The following ZNF687 variants were observed in gnomAD, a reference collection of about 807,000 sequenced individuals.
The protein encoded by ZNF687 is zinc finger protein 687.
In ZNF687, 13 loss-of-function variants were observed where a neutral mutation model predicts 71.8. The ratio of observed to expected loss-of-function variants is 0.18; its 90% CI spans 0.12 to 0.29. The LOEUF (loss-of-function observed/expected upper bound fraction) is 0.29, where lower values mean the gene tolerates loss of function less well. Ranked by LOEUF, ZNF687 falls within the 10% of genes least tolerant of loss-of-function variation. The probability of loss-of-function intolerance (pLI) is 1.00; values close to 1 mark genes in which losing one functional copy is unlikely to be tolerated. For missense variants in ZNF687, 1,412 were observed against 1,625.6 expected (o/e 0.87, Z 2.26); for synonymous variants, 673 against 641.6 (o/e 1.05, Z -0.74).
chr1:151,288,659 C>T lies in ZNF687; in HGVS notation c.2247C>T (p.Thr749=), dbSNP rs773427820. 6.2e-7 allele frequency: 1 copy of T among 1,614,094 alleles called. No individual in the cohort carries two copies. The highest frequency in any genetic ancestry group is 8.5e-7 in the Non-Finnish European group (1 of 1,179,982). ...ACTTCCTGCAAGCCAATTTTCAGAC[C>T]CATCTCCGGGAGGCCTGTCTGCACG... is the stretch of plus-strand genomic sequence containing the variant. ...GGNFLQANFQ[T]HLREACLHVS... Residue 749 remains threonine (T), a synonymous_variant, in exon 3 of 9, where the codon ACC becomes ACT. Transcript: ENST00000336715.
Position 151,286,643 on chromosome 1 carries a change from G to A in ZNF687, c.352G>A (p.Val118Met), listed in dbSNP as rs1357560537. 6.2e-7 allele frequency: 1 copy of A among 1,614,242 alleles called. No homozygotes were observed. Among genetic ancestry groups the A allele is most frequent in the Non-Finnish European group, 8.5e-7 (1 of 1,180,036 alleles). The change falls in exon 2 of 9, where the codon GTG (valine) becomes ATG (methionine). Residue 118 changes from valine to methionine, a missense_variant. By Grantham distance (21) the Val-to-Met change is conservative (BLOSUM62 1). Coordinates refer to ENST00000336715, the MANE Select transcript of ZNF687 (RefSeq NM_020832.3). Reference sequence around the variant, plus strand: ...TGCTGGGGTAACTAAAGAAGGGCCTGTGGGGCCTCATCGAATGCAGAATGG... The same window carrying A: ...TGCTGGGGTAACTAAAGAAGGGCCTATGGGGCCTCATCGAATGCAGAATGG... ...QAAGVTKEGP[V>M]GPHRMQNGFG...
At position 151,289,208 on chromosome 1, in the gene ZNF687, C is replaced by T. The variant is rs1347415558; in HGVS notation, c.2408C>T (p.Ser803Phe). The T allele has an allele frequency of 1.2e-6, 2 of 1,614,064 alleles. No homozygotes were observed. The highest frequency in any genetic ancestry group is 1.7e-6 in the Non-Finnish European group (2 of 1,180,054). ...CCCATCTGCCCCATGGCCTTCAAGTCTGGGCCAAGTGCCCATGCCCACCTC... is the reference window on the plus strand; with the variant it reads ...CCCATCTGCCCCATGGCCTTCAAGTTTGGGCCAAGTGCCCATGCCCACCTC... ...KCPICPMAFKSGPSAHAHLYS... is the reference protein window; with the variant it reads ...KCPICPMAFKFGPSAHAHLYS... Residue 803 changes from serine (S) to phenylalanine (F), a missense_variant, in exon 4 of 9, where the codon TCT becomes TTT. Coordinates refer to ENST00000336715, the MANE Select transcript of ZNF687 (RefSeq NM_020832.3).
chr1:151,286,593 G>A lies in ZNF687; in HGVS notation c.302G>A (p.Gly101Asp). ...CPEQSEALAGGSAGDGAQAAG... is the reference protein window; with the variant it reads ...CPEQSEALAGDSAGDGAQAAG... ...GAGCAGTCTGAGGCCCTGGCTGGAG[G>A]CTCAGCAGGAGACGGGGCCCAGGCT... Residue 101 changes from glycine (G) to aspartate (D), a missense_variant, in exon 2 of 9, where the codon GGC becomes GAC. Physicochemically the swap from Gly to Asp is moderately conservative, Grantham distance 94 (BLOSUM62 -1). Coordinates refer to ENST00000336715, the MANE Select transcript of ZNF687 (RefSeq NM_020832.3). The A allele has an allele frequency of 6.2e-7, 1 of 1,614,190 alleles. No homozygotes were observed. Among genetic ancestry groups the A allele is most frequent in the Non-Finnish European group, 8.5e-7 (1 of 1,180,020 alleles).
upstream of ZNF687, chr1:151,281,937 C>A: frequency 9.6e-7 from 1 of 1,043,270 alleles, no homozygotes; most frequent in Non-Finnish European, 1.3e-6. Flanking sequence ...GAGCGAGGGG[C>A]GGAGACGCAC....
rs587633729 is a variant in ZNF687 at position 151,283,864 on chromosome 1, C to G, written c.-18+1469C>G. On this transcript the variant is annotated intron_variant, in intron 1 of 8. Coordinates refer to ENST00000336715, the MANE Select transcript of ZNF687 (RefSeq NM_020832.3). ...TGCTGGGACTGTCTCTAGTTACAGT[C>G]TGAAGACTGGAGAGAGGTGGGAGAG... 2.6e-5 allele frequency: 26 copies of G among 985,396 alleles called. No homozygotes were observed. In the South Asian group the frequency reaches 3.3e-4, roughly 12 times the overall value. 61.0% of individuals were successfully genotyped at this position (985,396 alleles called of 1,614,324 possible). A position where few individuals can be genotyped will look rare whatever the true frequency, so the allele number is the denominator to read the frequency against.
At chr1:151,281,960 C>T (rs369920113), upstream of ZNF687, 30 of 1,181,542 alleles carry the variant, frequency 2.5e-5, no homozygotes, top group East Asian at 3.7e-4. Context: ...GGGTGCTCCC[C>T]CTTCCAGTAG....
upstream of ZNF687, chr1:151,281,803 A>G (rs1279921523): frequency 5.4e-6 from 2 of 368,182 alleles, no homozygotes; most frequent in Non-Finnish European, 1.1e-5. Flanking sequence ...GCGCAAAAGG[A>G]CCTACACTTC....
chr1:151,284,033 C>T (rs1054797695), intron 1 of ZNF687: 2 of 985,296 alleles, frequency 2.0e-6, no homozygotes, highest in East Asian at 2.3e-4. Context: ...AGCTGGCCTG[C>T]TTGTTGGATT....
At position 151,291,880 on chromosome 1, in the gene ZNF687, T is replaced by TAA. The variant is rs1202957983; in HGVS notation, c.*674_*675dup. ...GGAACTAGGGAGAAAACCAGACCAT[T>TAA]AAAACTGTTTGTGGTCGAATCTCCA... On this transcript the variant is annotated 3_prime_UTR_variant, in exon 9 of 9. Transcript: ENST00000336715. 1 of 152,252 alleles carries TAA rather than the reference T, an allele frequency of 6.6e-6. No individual in the cohort carries two copies. Among genetic ancestry groups the TAA allele is most frequent in the African/African-American group, 2.4e-5 (1 of 41,308 alleles). 9.4% of individuals were successfully genotyped at this position (152,252 alleles called of 1,614,324 possible).
intron 1 of ZNF687, chr1:151,285,188 G>A (rs1356664304): frequency 6.6e-6 from 1 of 152,206 alleles, no homozygotes; most frequent in Non-Finnish European, 1.5e-5. Flanking sequence ...TTATGGCATT[G>A]TCCCTTTGTA....
At chr1:151,290,083 C>A in intron 6 of ZNF687, 39 bp from the exon 7 acceptor site, 1 of 1,612,914 alleles carries the variant, frequency 6.2e-7, no homozygotes, top group Non-Finnish European at 8.5e-7. Context: ...GGGACGGGGT[C>A]CTGGAGCCTG....
chr1:151,281,869 T>C (rs1693725071), upstream of ZNF687: 1 of 441,994 alleles, frequency 2.3e-6, no homozygotes, highest in Admixed American at 3.8e-5. Context: ...ACACAGAAGC[T>C]GGGTTCCTTA....
chr1:151,289,399 G>A lies in ZNF687; in HGVS notation c.2493G>A (p.Met831Ile). Residue 831 changes from methionine to isoleucine, a missense_variant, in exon 5 of 9, where the codon ATG becomes ATA. Physicochemically the swap from Met to Ile is conservative, Grantham distance 10. This residue lies in a region of ZNF687 where 106 missense variants were observed against 146.0 expected (regional missense o/e 0.73). Coordinates refer to ENST00000336715, the MANE Select transcript of ZNF687 (RefSeq NM_020832.3). ...TCAGGCTGATCTACAAGTGCGCCAT[G>A]TGCGACACAGTCTTCACTCACAAAC... Reference protein sequence around the residue: ...QQAKLIYKCAMCDTVFTHKPL... With the variant: ...QQAKLIYKCAICDTVFTHKPL... 6.2e-7 allele frequency: 1 copy of A among 1,614,212 alleles called. No homozygotes were observed. Among genetic ancestry groups the A allele is most frequent in the Non-Finnish European group, 8.5e-7 (1 of 1,180,046 alleles).
Position 151,287,022 on chromosome 1 carries a change from A to G in ZNF687, c.731A>G (p.Lys244Arg), listed in dbSNP as rs1375795214. Residue 244 changes from lysine (K) to arginine (R), a missense_variant, in exon 2 of 9, where the codon AAG (lysine) becomes AGG (arginine). Lys to Arg is a conservative substitution (Grantham distance 26). This residue lies in a region of ZNF687 where 490 missense variants were observed against 489.9 expected (regional missense o/e 1.00). Coordinates refer to ENST00000336715, the MANE Select transcript of ZNF687 (RefSeq NM_020832.3). This position sits in a 1 kb window ranked among gnomAD's most constrained non-coding sequence, Gnocchi z 5.0. ...CAACAAGGCTCAGGCTCCAGCCCTAAGGCCACGGACATCCCTGCCAGTGCC... is the reference window on the plus strand; with the variant it reads ...CAACAAGGCTCAGGCTCCAGCCCTAGGGCCACGGACATCCCTGCCAGTGCC... ...LAQQGSGSSPKATDIPASASP... is the reference protein window; with the variant it reads ...LAQQGSGSSPRATDIPASASP... The G allele has an allele frequency of 3.1e-6, 5 of 1,606,530 alleles. No individual in the cohort carries two copies. The highest frequency in any genetic ancestry group is 2.2e-5 in the East Asian group (1 of 44,710).
chr1:151,290,077 C>G (rs146148961), intron 6 of ZNF687, 45 bp from the exon 7 acceptor site: 4 of 1,611,324 alleles, frequency 2.5e-6, no homozygotes, highest in Non-Finnish European at 3.4e-6. Flanking sequence ...ACAGTGGGGA[C>G]GGGGTCCTGG....
At position 151,289,618 on chromosome 1, in the gene ZNF687, G is replaced by A. The variant is rs937810284; in HGVS notation, c.2635-60G>A. 4 of 1,605,330 alleles carry A rather than the reference G, an allele frequency of 2.5e-6. No homozygotes were observed. In the Admixed American group the frequency reaches 5.0e-5, roughly 20 times the overall value. ...TGGGGCCACATACTTCAGAAGTGGG[G>A]GGCTTTGGCATAGCCAGGCCCTCCC... is the stretch of plus-strand genomic sequence containing the variant. On this transcript the variant is annotated intron_variant, in intron 5 of 8. Transcript: ENST00000336715.
chr1:151,284,324 A>C (rs1477764955), intron 1 of ZNF687: 1 of 948,682 alleles, frequency 1.1e-6, no homozygotes, highest in African/African-American at 1.8e-5. Context: ...TGGAGAAGGA[A>C]GGGCTGGCTA....
intron 1 of ZNF687, among the ~76,000 whole-genome samples, chr1:151,284,797 CTT>C (rs1198200661): frequency 8.2e-4 from 99 of 121,400 alleles, no homozygotes; most frequent in Non-Finnish European, 1.3e-3. Context: ...TCTGCCTTGT[CTT>C]GTCTTTTTTT....
Position 151,291,080 on chromosome 1 carries a change from T to C in ZNF687, c.3585T>C (p.Ala1195=). The C allele has an allele frequency of 1.2e-6, 2 of 1,613,756 alleles. No homozygotes were observed. ...ATGGTGGAGACTCACCCCTGCCTGC[T>C]TCTGGAGGCCCACTGACCTGTAAGG... The part of the protein sequence containing the change: ...DPDGGDSPLP[A]SGGPLTCKVC... The change falls in exon 9 of 9, where the codon GCT becomes GCC. Residue 1195 remains alanine, a synonymous_variant. Transcript: ENST00000336715.
Sources: gnomAD v4.1 joint callset for allele counts (sites outside exome capture counted in the v4.1 genomes callset) on GRCh38, gnomAD v4.1.1 for gene constraint, gnomAD v4.1.1 regional missense constraint, Gnocchi (gnomAD v3.1) non-coding constraint, MANE v1.5 for transcripts, NCBI Gene and HGNC (gene_info 2026-07-23, HGNC 2026-07-21) for gene names.